Variants in TBL1X observed in about 807,000 individuals in gnomAD.
TBL1X encodes F-box-like/WD repeat-containing protein TBL1X.
Under a neutral mutation model 50.7 loss-of-function variants are expected in TBL1X, and 10 were observed. The ratio of observed to expected loss-of-function variants is 0.20; its 90% CI spans 0.12 to 0.33. The LOEUF (loss-of-function observed/expected upper bound fraction) is 0.33. TBL1X is among the 10% of genes least tolerant of loss of function. TBL1X has a pLI of 1.00. For missense variants in TBL1X, 340 were observed against 504.4 expected (o/e 0.67, Z 3.12); for synonymous variants, 190 against 214.7 (o/e 0.88, Z 1.01).
At position 9,693,146 on chromosome X, in the gene TBL1X, C is replaced by T; in HGVS notation, c.892-3C>T. 8.3e-7 allele frequency: 1 copy of T among 1,211,651 alleles called. No homozygotes were observed. The highest frequency in any genetic ancestry group is 1.1e-6 in the Non-Finnish European group (1 of 895,465). On this transcript the variant is annotated splice_region_variant and splice_polypyrimidine_tract_variant and intron_variant, in intron 9 of 17. Transcript: ENST00000645353. ...TGGGGTTTTGTCTCTTTCTGGCCCTCAGACCAATGGAACACTCTTGGCTAC... is the reference window on the plus strand; with the variant it reads ...TGGGGTTTTGTCTCTTTCTGGCCCTTAGACCAATGGAACACTCTTGGCTAC...
chrX:9,621,855 G>C (rs925870880), intron 2 of TBL1X, among the ~76,000 whole-genome samples: 2 of 111,637 alleles, frequency 1.8e-5, no homozygotes, highest in Non-Finnish European at 3.8e-5. Context: ...TAAGTTTGAC[G>C]AACATTCAGA....
At chrX:9,644,849 G>T (rs2082795404) in intron 3 of TBL1X, 1 of 111,105 alleles carries the variant, frequency 9.0e-6, no homozygotes, top group Non-Finnish European at 1.9e-5. Context: ...GTAGACATGG[G>T]GTTTTGCTAT....
At chrX:9,520,446 A>C (rs1428033380) in intron 2 of TBL1X, among the ~76,000 whole-genome samples, 4 of 110,981 alleles carry the variant, frequency 3.6e-5, no homozygotes, top group Non-Finnish European at 3.8e-5. Flanking sequence ...GACCAGGGAG[A>C]TGGGAGGAGG....
intron 2 of TBL1X, among the ~76,000 whole-genome samples, chrX:9,635,423 TG>T (rs746338678): frequency 9.2e-6 from 1 of 108,258 alleles, no homozygotes; most frequent in Non-Finnish European, 1.9e-5. Flanking sequence ...TGCTTCTGAG[TG>T]GGAAAAAAAA....
intron 2 of TBL1X, among the ~76,000 whole-genome samples, chrX:9,616,441 A>G (rs1469343282): frequency 1.8e-5 from 2 of 111,930 alleles, no homozygotes; most frequent in African/African-American, 6.5e-5. Context: ...TTTGCCAATT[A>G]AAAGACAGTA....
At chrX:9,538,913 A>G (rs2082202197) in intron 2 of TBL1X, among the ~76,000 whole-genome samples, 1 of 112,674 alleles carries the variant, frequency 8.9e-6, no homozygotes, top group African/African-American at 3.2e-5. Context: ...TCAGCACAAG[A>G]TGAGGCCTCA....
chrX:9,664,408 G>T (rs2082915310), intron 5 of TBL1X, among the ~76,000 whole-genome samples: 1 of 111,389 alleles, frequency 9.0e-6, no homozygotes, highest in Non-Finnish European at 1.9e-5. Context: ...GGATTCGAGT[G>T]GCAGCCCTAT....
chrX:9,565,271 C>CAAAAAAAAAAAAA (rs757679440), intron 2 of TBL1X, among the ~76,000 whole-genome samples: 9 of 37,390 alleles, frequency 2.4e-4, no homozygotes, highest in African/African-American at 6.7e-4. Context: ...GACTCCGTCT[C>CAAAAAAAAAAAAA]AAAAAAAAAA....
intron 2 of TBL1X, among the ~76,000 whole-genome samples, chrX:9,550,155 C>G (rs866220383): frequency 1.3e-4 from 14 of 111,131 alleles, no homozygotes; most frequent in Non-Finnish European, 2.5e-4. Flanking sequence ...GGCCTGGGAT[C>G]CCAGAAGTAT....
intron 2 of TBL1X, among the ~76,000 whole-genome samples, chrX:9,549,655 C>T (rs959260347): frequency 9.0e-6 from 1 of 111,649 alleles, no homozygotes; most frequent in Non-Finnish European, 1.9e-5. Flanking sequence ...CACTTACTTT[C>T]GTAGGTTTAA....
chrX:9,647,415 C>T (rs1012784287), intron 3 of TBL1X, among the ~76,000 whole-genome samples: 2 of 111,739 alleles, frequency 1.8e-5, no homozygotes, highest in African/African-American at 3.3e-5. Context: ...TTCGTTTTTG[C>T]GCAATCACAA....
At chrX:9,626,158 G>A (rs932227649) in intron 2 of TBL1X, among the ~76,000 whole-genome samples, 4 of 111,330 alleles carry the variant, frequency 3.6e-5, no homozygotes, top group African/African-American at 1.3e-4. Context: ...TGTCGCGTGT[G>A]TCTCTTTGTA....
chrX:9,538,079 G>A (rs780611439), intron 2 of TBL1X, among the ~76,000 whole-genome samples: 1 of 112,411 alleles, frequency 8.9e-6, no homozygotes, highest in Non-Finnish European at 1.9e-5. Context: ...GCACCAATGT[G>A]CATCTGAGAT....
At chrX:9,493,624 G>A (rs1481028922) in intron 1 of TBL1X, among the ~76,000 whole-genome samples, 2 of 110,575 alleles carry the variant, frequency 1.8e-5, no homozygotes, top group Non-Finnish European at 3.8e-5. Flanking sequence ...TTAGCCAGGC[G>A]TGGTGGTATG....
At chrX:9,564,118 G>A (rs764230298) in intron 2 of TBL1X, among the ~76,000 whole-genome samples, 10 of 112,405 alleles carry the variant, frequency 8.9e-5, no homozygotes, top group Non-Finnish European at 1.3e-4. Context: ...TATTAATTAA[G>A]GATAGAATAA....
chrX:9,559,529 C>T (rs2082315403), intron 2 of TBL1X, among the ~76,000 whole-genome samples: 1 of 111,744 alleles, frequency 8.9e-6, no homozygotes, highest in African/African-American at 3.3e-5. Flanking sequence ...GCAGCTGGTG[C>T]TTAGGCCCTA....
intron 1 of TBL1X, among the ~76,000 whole-genome samples, chrX:9,493,224 C>T (rs1364919683): frequency 9.0e-6 from 1 of 111,461 alleles, no homozygotes; most frequent in African/African-American, 3.3e-5. Flanking sequence ...CATAAGCAAT[C>T]TCTAAGTCCC....
chrX:9,467,481 ATTTGCTTTT>A (rs1235982282), intron 1 of TBL1X, among the ~76,000 whole-genome samples: 1 of 112,032 alleles, frequency 8.9e-6, no homozygotes, highest in Non-Finnish European at 1.9e-5. Context: ...GATGCCTTGG[ATTTGCTTTT>A]TTTCCTCCCT....
chrX:9,650,616 G>A (rs138339139), intron 3 of TBL1X, among the ~76,000 whole-genome samples: 249 of 111,608 alleles, frequency 2.2e-3, no homozygotes, highest in African/African-American at 7.7e-3. Context: ...ATTCATGCCG[G>A]TCCCACTAGC....
Sources: gnomAD v4.1 joint callset for allele counts (sites outside exome capture counted in the v4.1 genomes callset) on GRCh38, gnomAD v4.1.1 for gene constraint, MANE v1.5 for transcripts, NCBI Gene and HGNC (gene_info 2026-07-23, HGNC 2026-07-21) for gene names.